NUP214: variants seen among roughly 807,000 people sequenced by gnomAD.
NUP214 encodes nuclear pore complex protein Nup214.
In NUP214, 79 loss-of-function variants were observed where a neutral mutation model predicts 196.2. That is an observed-to-expected ratio of 0.40 (90% CI 0.34 to 0.49). The LOEUF is 0.49. NUP214 is among the 20% of genes least tolerant of loss of function. NUP214 has a pLI of 0.58. For synonymous variants in NUP214, 1,020 were observed against 990.5 expected, an observed-to-expected ratio of 1.03 and a Z score of -0.56; for missense variants, 2,468 against 2,539.0, an observed-to-expected ratio of 0.97 and a Z score of 0.60.
chr9:131,129,467 A>G lies in NUP214; in HGVS notation c.582A>G (p.Ala194=), dbSNP rs1197085783. Residue 194 remains alanine (A), a synonymous_variant, in exon 4 of 36, where the codon GCA becomes GCG. Transcript: ENST00000359428. ...GTGCAACTCTTCCTTCCACGGTAGC[A>G]GTAACCTCTGGTGAGTAATAAAGGC... ...KVCATLPSTV[A]VTSVCWSPKG... 3.1e-6 allele frequency: 5 copies of G among 1,614,180 alleles called. No homozygotes were observed. The highest frequency in any genetic ancestry group is 4.2e-6 in the Non-Finnish European group (5 of 1,179,982).
At position 131,232,265 on chromosome 9, in the gene NUP214, C is replaced by G. The variant is rs772959662; in HGVS notation, c.6215-19C>G. 6.2e-7 allele frequency: 1 copy of G among 1,614,154 alleles called. No individual in the cohort carries two copies. Among genetic ancestry groups the G allele is most frequent in the Admixed American group, 1.7e-5 (1 of 60,024 alleles). On this transcript the variant is annotated intron_variant, in intron 34 of 35. Transcript: ENST00000359428. The surrounding 1 kb of genome is among the most constrained non-coding windows in gnomAD (Gnocchi z 5.1). ...CGAGTGGATGCGTGCTTTAACTTCA[C>G]TCTTATTCTGCTTTTCAGGGTTCAG... is the stretch of plus-strand genomic sequence containing the variant.
At position 131,144,348 on chromosome 9, in the gene NUP214, C is replaced by G. The variant is rs985300522; in HGVS notation, c.1363C>G (p.Pro455Ala). 5.6e-6 allele frequency: 9 copies of G among 1,614,084 alleles called. No homozygotes were observed. Among genetic ancestry groups the G allele is most frequent in the Non-Finnish European group, 1.7e-6 (2 of 1,180,044 alleles). The change falls in exon 12 of 36, where the codon CCT (proline) becomes GCT (alanine). Residue 455 changes from proline (P) to alanine (A), a missense_variant. By Grantham distance (27) the Pro-to-Ala change is conservative. Coordinates refer to ENST00000359428, the MANE Select transcript of NUP214 (RefSeq NM_005085.4). ...QKLDASAAAA[P>A]ASLPPSSPAA... is the part of the protein sequence containing the mutation. ...ACTGGATGCTTCTGCAGCTGCAGCC[C>G]CTGCCTCTCTGCCACCTTCATCACC... is the stretch of plus-strand genomic sequence containing the variant.
intron 24 of NUP214, among the ~76,000 whole-genome samples, chr9:131,185,588 T>C (rs1265447750): frequency 6.6e-6 from 1 of 152,268 alleles, no homozygotes; most frequent in Non-Finnish European, 1.5e-5. Context: ...TATCTCTTGA[T>C]CATTTCTAGC....
chr9:131,214,222 G>A (rs1223790055), intron 30 of NUP214, among the ~76,000 whole-genome samples: 1 of 152,182 alleles, frequency 6.6e-6, no homozygotes, highest in Non-Finnish European at 1.5e-5. Context: ...AAATACTTAG[G>A]AATGTGCCTA....
Position 131,187,877 on chromosome 9 carries a change from A to G in NUP214, c.3495+513A>G, listed in dbSNP as rs149896850. Among the ~76,000 whole-genome samples the G allele has an allele frequency of 4.1e-4, 62 of 152,332 alleles. 2 individuals are homozygous for G. In the East Asian group the frequency reaches 0.011, roughly 27 times the overall value. ...AGTCAGGACCTGATACTGTCTTCATAGGCCATTTAAACATTCTGCACCTAG... is the reference window on the plus strand; with the variant it reads ...AGTCAGGACCTGATACTGTCTTCATGGGCCATTTAAACATTCTGCACCTAG... On this transcript the variant is annotated intron_variant, in intron 25 of 35. Transcript: ENST00000359428.
At position 131,140,699 on chromosome 9, in the gene NUP214, C is replaced by T; in HGVS notation, c.1283C>T (p.Pro428Leu). 6.2e-7 allele frequency: 1 copy of T among 1,613,412 alleles called. No homozygotes were observed. Among genetic ancestry groups the T allele is most frequent in the East Asian group, 2.2e-5 (1 of 44,882 alleles). ...CTTTCATTAGAAGGAGAGCGACAGCCCAAGTCACCAGGTATGTGCCTCTGC... is the reference window on the plus strand; with the variant it reads ...CTTTCATTAGAAGGAGAGCGACAGCTCAAGTCACCAGGTATGTGCCTCTGC... ...ERLSLEGERQPKSPGSTPTTP... is the reference protein window; with the variant it reads ...ERLSLEGERQLKSPGSTPTTP... Residue 428 changes from proline to leucine, a missense_variant, in exon 11 of 36, where the codon CCC becomes CTC. Around this residue, in one of 5 missense-constraint regions of NUP214, gnomAD observed 1,801 missense variants for 1,779.4 expected, o/e 1.01. Coordinates refer to ENST00000359428, the MANE Select transcript of NUP214 (RefSeq NM_005085.4).
rs103612 is a variant in NUP214, at chr9:131,144,705, C to T, written c.1720C>T (p.Pro574Ser). 1,084,136 of 1,612,994 alleles carry T rather than the reference C, an allele frequency of 0.67. 365,913 individuals carry two copies. The highest frequency in any genetic ancestry group is 0.77 in the Admixed American group (46,313 of 59,940). The change falls in exon 12 of 36, where the codon CCC becomes TCC. Residue 574 changes from proline (P) to serine (S), a missense_variant. By Grantham distance (74) the Pro-to-Ser change is moderately conservative (BLOSUM62 -1). This residue lies in a region of NUP214 where 1,801 missense variants were observed against 1,779.4 expected (regional missense o/e 1.01). Coordinates refer to ENST00000359428, the MANE Select transcript of NUP214 (RefSeq NM_005085.4). ...GTCTGCTCCAAATATAGCAATGAAG[C>T]CCTCCTTCCCACCCTCAACCTCTGC... ...SVSAPNIAMK[P>S]SFPPSTSAVK...
chr9:131,228,462 C>T, intron 33 of NUP214, 131 bp downstream of exon 33: 1 of 825,902 alleles, frequency 1.2e-6, no homozygotes, highest in South Asian at 2.1e-5. Flanking sequence ...TGAACAACTC[C>T]CTCAAGGATT....
At chr9:131,231,608 T>TA (rs550367813) in intron 34 of NUP214, among the ~76,000 whole-genome samples, 1 of 146,904 alleles carries the variant, frequency 6.8e-6, no homozygotes, top group Non-Finnish European at 1.5e-5. Flanking sequence ...GGCCTTGGTT[T>TA]AAAAAATCTA....
At chr9:131,162,915 CT>C in intron 18 of NUP214, 75 bp from the exon 19 acceptor site, 7 of 1,388,864 alleles carry the variant, frequency 5.0e-6, no homozygotes, top group Non-Finnish European at 7.1e-6. Context: ...CCATTGTAGT[CT>C]TGTTTGTTTT....
rs776430014 is a variant in NUP214 at position 131,134,916 on chromosome 9, C to T, written c.850C>T (p.Pro284Ser). 1.9e-6 allele frequency: 3 copies of T among 1,613,226 alleles called. No individual in the cohort carries two copies. The highest frequency in any genetic ancestry group is 4.5e-5 in the East Asian group (2 of 44,874). The stretch of plus-strand genomic sequence containing the variant: ...ATTGTAGAAAAAAGAAGAAAAGCAC[C>T]CAGAGATATTTGTGAACTTTATGGA... ...ALLPKKEEKH[P>S]EIFVNFMEPC... is the part of the protein sequence containing the mutation. The change falls in exon 8 of 36, where the codon CCA becomes TCA. Residue 284 changes from proline to serine, a missense_variant. Physicochemically the swap from Pro to Ser is moderately conservative, Grantham distance 74. Around this residue, in one of 5 missense-constraint regions of NUP214, gnomAD observed 392 missense variants for 417.9 expected, o/e 0.94. Coordinates refer to ENST00000359428, the MANE Select transcript of NUP214 (RefSeq NM_005085.4).
intron 6 of NUP214, 93 bp from the exon 7 acceptor site, chr9:131,133,013 T>A: frequency 1.1e-6 from 1 of 927,664 alleles, no homozygotes; most frequent in Non-Finnish European, 1.7e-6. Flanking sequence ...GATTTTTTTT[T>A]TATCCATAGT....
At position 131,129,493 on chromosome 9, in the gene NUP214, T is replaced by G; in HGVS notation, c.592+16T>G. ...GTAACCTCTGGTGAGTAATAAAGGC[T>G]TTCACACTGTAGCATACAATCATGG... On this transcript the variant is annotated intron_variant, in intron 4 of 35. Transcript: ENST00000359428. The G allele has an allele frequency of 1.2e-6, 2 of 1,606,948 alleles. No individual in the cohort carries two copies. The highest frequency in any genetic ancestry group is 3.3e-5 in the Admixed American group (2 of 60,008).
At chr9:131,187,047 T>C in intron 24 of NUP214, 1 of 461,580 alleles carries the variant, frequency 2.2e-6, no homozygotes, top group Non-Finnish European at 3.9e-6. Context: ...ATTTTTTTCT[T>C]TGGATTGCAG....
intron 34 of NUP214, 129 bp downstream of exon 34, chr9:131,230,898 C>T (rs138641217): frequency 1.3e-5 from 14 of 1,085,734 alleles, no homozygotes; most frequent in African/African-American, 4.7e-5. Context: ...ACGTGGTTCA[C>T]GCCTGTAATC....
Position 131,192,228 on chromosome 9 carries a change from GCTGTGA to G in NUP214, c.3598_3603del (p.Val1200_Thr1201del). ...TTCAGGGACAGCCAAGATAGAAACA[GCTGTGA>G]CTTCAACCCCATCTGCTTCTGGGCA... On this transcript the variant is annotated inframe_deletion, in exon 27 of 36. Coordinates refer to ENST00000359428, the MANE Select transcript of NUP214 (RefSeq NM_005085.4). The G allele has an allele frequency of 1.0e-6, 1 of 955,662 alleles. No homozygotes were observed. Among genetic ancestry groups the G allele is most frequent in the Non-Finnish European group, 1.5e-6 (1 of 673,404 alleles). 59.2% of individuals were successfully genotyped at this position (955,662 alleles called of 1,614,324 possible).
At chr9:131,202,381 G>A (rs563344595) in intron 30 of NUP214, among the ~76,000 whole-genome samples, 23 of 151,936 alleles carry the variant, frequency 1.5e-4, no homozygotes, top group Non-Finnish European at 3.2e-4. Context: ...ATACATATAT[G>A]TGTGTACACA....
chr9:131,133,248 A>C (rs765101457), intron 7 of NUP214, 39 bp downstream of exon 7: 2 of 1,265,336 alleles, frequency 1.6e-6, no homozygotes, highest in Admixed American at 2.6e-5. Flanking sequence ...TGAGAATTAG[A>C]GAAGTCTTCT....
intron 17 of NUP214, among the ~76,000 whole-genome samples, chr9:131,157,231 T>C (rs1281889702): frequency 6.6e-6 from 1 of 152,004 alleles, no homozygotes; most frequent in African/African-American, 2.4e-5. Context: ...GGCACGATCC[T>C]AGCTCACTGC....
Sources: gnomAD v4.1 joint callset for allele counts (sites outside exome capture counted in the v4.1 genomes callset) on GRCh38, gnomAD v4.1.1 for gene constraint, gnomAD v4.1.1 regional missense constraint, Gnocchi (gnomAD v3.1) non-coding constraint, MANE v1.5 for transcripts, NCBI Gene and HGNC (gene_info 2026-07-23, HGNC 2026-07-21) for gene names.